Variants in CAMK2B observed in about 807,000 individuals in gnomAD.
CAMK2B encodes calcium/calmodulin dependent protein kinase II beta, also known as calcium/calmodulin-dependent protein kinase type II subunit beta.
In CAMK2B, 27 loss-of-function variants were observed where a neutral mutation model predicts 93.7. The observed-to-expected ratio is 0.29, with a 90% CI of 0.21 to 0.40. CAMK2B has a LOEUF of 0.40. Among genes scored for constraint, CAMK2B ranks in the 10% least tolerant of loss-of-function variants. The pLI is 1.00. For synonymous variants in CAMK2B, 374 were observed against 358.8 expected (o/e 1.04, Z -0.48); for missense variants, 568 against 895.8 (o/e 0.63, Z 4.67).
intron 1 of CAMK2B, among the ~76,000 whole-genome samples, chr7:44,290,705 G>T (rs1048183643): frequency 6.6e-6 from 1 of 152,222 alleles, no homozygotes; most frequent in East Asian, 1.9e-4. Context: ...AGTGCCAGAG[G>T]GGGAGGTCTT....
chr7:44,239,466 C>T (rs996552804), intron 13 of CAMK2B, 123 bp downstream of exon 13: 24 of 817,868 alleles, frequency 2.9e-5, no homozygotes, highest in African/African-American at 1.4e-4. Context: ...CAGGGGCTCC[C>T]GGGGGCCTGG....
intron 4 of CAMK2B, among the ~76,000 whole-genome samples, chr7:44,256,488 A>AG (rs1473036651): frequency 6.6e-6 from 1 of 152,194 alleles, no homozygotes; most frequent in Non-Finnish European, 1.5e-5. Context: ...CTTGTAGAGC[A>AG]GTTTGTTCAT....
chr7:44,292,520 T>C (rs1282098943), intron 1 of CAMK2B, among the ~76,000 whole-genome samples: 1 of 152,168 alleles, frequency 6.6e-6, no homozygotes, highest in Non-Finnish European at 1.5e-5. Context: ...CGTTAACAGA[T>C]GATAGGTGCA....
intron 17 of CAMK2B, 55 bp downstream of exon 17, chr7:44,230,951 G>A: frequency 1.3e-6 from 2 of 1,501,966 alleles, no homozygotes; most frequent in Non-Finnish European, 1.8e-6. Context: ...CCACCTCAAA[G>A]AGCAACCCAG....
chr7:44,239,634 T>C lies in CAMK2B; in HGVS notation c.976A>G (p.Met326Val), dbSNP rs369063061. The C allele has an allele frequency of 7.7e-6, 12 of 1,550,106 alleles. No individual in the cohort carries two copies. The highest frequency in any genetic ancestry group is 2.7e-5 in the African/African-American group (2 of 72,922). Reference sequence around the variant, plus strand: ...GTGGTGCCGGAGGCCGCGGTGGACATTGTGGCCGGAGCGGTGGTCTGTCTG... The same window carrying C: ...GTGGTGCCGGAGGCCGCGGTGGACACTGTGGCCGGAGCGGTGGTCTGTCTG... ...VGRQTTAPAT[M>V]STAASGTTMG... is the part of the protein sequence containing the mutation. The change falls in exon 13 of 24, where the codon ATG becomes GTG. Residue 326 changes from methionine to valine, a missense_variant. Around this residue, in one of 4 missense-constraint regions of CAMK2B, gnomAD observed 308 missense variants for 292.1 expected, o/e 1.05. Transcript: ENST00000395749.
chr7:44,261,044 T>C (rs1308136655), intron 3 of CAMK2B, among the ~76,000 whole-genome samples: 1 of 152,088 alleles, frequency 6.6e-6, no homozygotes, highest in Non-Finnish European at 1.5e-5. Context: ...CTGGCTTCTG[T>C]CCCAAGAGCA....
chr7:44,235,292 G>A (rs1294828396), intron 13 of CAMK2B, among the ~76,000 whole-genome samples: 3 of 152,262 alleles, frequency 2.0e-5, no homozygotes, highest in Admixed American at 6.5e-5. Context: ...GAGCTGCCCA[G>A]CAGCCCTGGC....
intron 4 of CAMK2B, among the ~76,000 whole-genome samples, chr7:44,258,230 A>C (rs1303114683): frequency 6.6e-6 from 1 of 152,248 alleles, no homozygotes. Flanking sequence ...CATTCATGCA[A>C]ACACACACAT....
chr7:44,234,354 G>A, intron 15 of CAMK2B, 36 bp downstream of exon 15: 1 of 1,475,684 alleles, frequency 6.8e-7, no homozygotes, highest in Non-Finnish European at 9.0e-7. Context: ...AGGGGCGTAG[G>A]AGGGGCTGAG....
intron 15 of CAMK2B, 41 bp downstream of exon 15, chr7:44,234,349 C>A: frequency 1.4e-6 from 2 of 1,464,808 alleles, no homozygotes; most frequent in Non-Finnish European, 1.8e-6. Flanking sequence ...CAGCCAGGGG[C>A]GTAGGAGGGG....
At chr7:44,226,262 C>T (rs181808834) in intron 20 of CAMK2B, among the ~76,000 whole-genome samples, 109 of 151,180 alleles carry the variant, frequency 7.2e-4, no homozygotes, top group Admixed American at 1.8e-3. Flanking sequence ...ATGCTGGGGT[C>T]GGCAACAAAC....
rs780774430 is a variant in CAMK2B, at chr7:44,258,923, C to T, written c.224G>A (p.Arg75His). The T allele has an allele frequency of 9.3e-6, 15 of 1,613,614 alleles. No individual in the cohort carries two copies. Among genetic ancestry groups the T allele is most frequent in the East Asian group, 2.2e-5 (1 of 44,884 alleles). ...CTCCTCGGAGATGCTGTCGTGGAGA[C>T]GCACTGTGGGGACAGAGAAGCCATG... The part of the protein sequence containing the change: ...CRLLKHSNIV[R>H]LHDSISEEGF... The change falls in exon 4 of 24, where the codon CGT (arginine) becomes CAT (histidine). Residue 75 changes from arginine to histidine, a missense_variant. By Grantham distance (29) the Arg-to-His change is conservative. This residue lies in a region of CAMK2B where 105 missense variants were observed against 372.4 expected (regional missense o/e 0.28). Coordinates refer to ENST00000395749, the MANE Select transcript of CAMK2B (RefSeq NM_001220.5).
At chr7:44,255,551 T>A (rs1054781282) in intron 4 of CAMK2B, among the ~76,000 whole-genome samples, 1 of 151,960 alleles carries the variant, frequency 6.6e-6, no homozygotes, top group African/African-American at 2.4e-5. Context: ...GCCTGTGGGG[T>A]CCAAGCCCCT....
chr7:44,296,329 C>T (rs1006845134), intron 1 of CAMK2B, among the ~76,000 whole-genome samples: 1 of 152,028 alleles, frequency 6.6e-6, no homozygotes, highest in Non-Finnish European at 1.5e-5. Context: ...GCAGACTAGA[C>T]ACAGCTAAAA....
chr7:44,240,618 G>T, intron 12 of CAMK2B, 89 bp downstream of exon 12: 1 of 1,422,156 alleles, frequency 7.0e-7, no homozygotes, highest in Non-Finnish European at 9.8e-7. Flanking sequence ...CAGAGGAGGA[G>T]TGGAGAGGCT....
intron 1 of CAMK2B, among the ~76,000 whole-genome samples, chr7:44,322,802 C>T (rs927980549): frequency 2.0e-5 from 3 of 152,246 alleles, no homozygotes; most frequent in East Asian, 3.8e-4. Context: ...CCAGTGGCCT[C>T]GTCACACATG....
At chr7:44,297,203 A>C (rs1182056899) in intron 1 of CAMK2B, among the ~76,000 whole-genome samples, 1 of 152,182 alleles carries the variant, frequency 6.6e-6, no homozygotes, top group African/African-American at 2.4e-5. Flanking sequence ...CTACATGCGA[A>C]ATGGTGTAGT....
chr7:44,220,051 A>T lies in CAMK2B; in HGVS notation c.*2+9T>A. 6.4e-7 allele frequency: 1 copy of T among 1,561,722 alleles called. No homozygotes were observed. The highest frequency in any genetic ancestry group is 8.6e-7 in the Non-Finnish European group (1 of 1,157,742). ...CTGCCCCAGCTGTCACTTAGCACAG[A>T]ACACTCACCTTCACTGCAGCGGGGC... On this transcript the variant is annotated intron_variant, in intron 23 of 23. Coordinates refer to ENST00000395749, the MANE Select transcript of CAMK2B (RefSeq NM_001220.5).
chr7:44,314,162 G>A (rs1239241531), intron 1 of CAMK2B, among the ~76,000 whole-genome samples: 1 of 152,118 alleles, frequency 6.6e-6, no homozygotes, highest in Admixed American at 6.5e-5. Flanking sequence ...CCCATTTAGA[G>A]TATATAATTC....
Sources: allele counts gnomAD v4.1 joint callset (sites outside exome capture counted in the v4.1 genomes callset), GRCh38; gene constraint gnomAD v4.1.1; regional missense constraint gnomAD v4.1.1; transcripts MANE v1.5; gene names NCBI Gene and HGNC (gene_info 2026-07-23, HGNC 2026-07-21).